MAPK10: variants seen among roughly 807,000 people sequenced by gnomAD.
MAPK10 encodes mitogen-activated protein kinase 10.
In MAPK10, 25 loss-of-function variants were observed where a neutral mutation model predicts 59.3. That is an observed-to-expected ratio of 0.42 (90% CI 0.31 to 0.59). MAPK10 has a LOEUF of 0.59. MAPK10 is among the 20% of genes least tolerant of loss of function. The pLI, the probability that MAPK10 is intolerant of heterozygous loss-of-function variation, is 0.15. For synonymous variants in MAPK10, 190 were observed against 200.5 expected (o/e 0.95, Z 0.44); for missense variants, 351 against 568.9 (o/e 0.62, Z 3.90).
intron 2 of MAPK10, among the ~76,000 whole-genome samples, chr4:86,200,196 T>C (rs1223048733): frequency 6.6e-6 from 1 of 152,144 alleles, no homozygotes; most frequent in East Asian, 1.9e-4. Context: ...TTGATTCAAG[T>C]CTAATTTACA....
intron 4 of MAPK10, among the ~76,000 whole-genome samples, chr4:86,143,825 T>A (rs1219520192): frequency 6.6e-6 from 1 of 152,172 alleles, no homozygotes; most frequent in Non-Finnish European, 1.5e-5. Flanking sequence ...TTTTACAACA[T>A]CTTATTAATA....
chr4:86,438,753 G>A (rs1749073004), intron 1 of MAPK10, among the ~76,000 whole-genome samples: 3 of 151,828 alleles, frequency 2.0e-5, no homozygotes, highest in Non-Finnish European at 4.4e-5. Context: ...GAAATTGAGG[G>A]GGCCAGTAAG....
intron 3 of MAPK10, chr4:86,193,317 G>C (rs755855437): frequency 6.6e-6 from 1 of 152,416 alleles, no homozygotes; most frequent in African/African-American, 2.4e-5. Context: ...GAGCTGGCAG[G>C]CAGGAACATT....
intron 9 of MAPK10, among the ~76,000 whole-genome samples, chr4:86,084,532 G>A (rs564228742): frequency 5.3e-4 from 80 of 151,888 alleles, no homozygotes; most frequent in Non-Finnish European, 9.9e-4. Context: ...TACCTAAGAA[G>A]TAACTTAAGC....
At chr4:86,139,816 G>A (rs1257841466) in intron 4 of MAPK10, among the ~76,000 whole-genome samples, 2 of 149,822 alleles carry the variant, frequency 1.3e-5, no homozygotes, top group Admixed American at 6.6e-5. Flanking sequence ...AATCTACAAT[G>A]AACTCAAACA....
chr4:86,270,516 T>C (rs2094401875), intron 2 of MAPK10, among the ~76,000 whole-genome samples: 1 of 152,076 alleles, frequency 6.6e-6, no homozygotes, highest in Non-Finnish European at 1.5e-5. Flanking sequence ...CATAGTCTAA[T>C]GTAACTAGAA....
chr4:86,480,514 C>A (rs76069906), intron 1 of MAPK10, among the ~76,000 whole-genome samples: 7,754 of 152,150 alleles, frequency 0.051, 257 homozygotes, highest in African/African-American at 0.071. Context: ...CACACGGATG[C>A]GAGTGAAATG....
intron 9 of MAPK10, chr4:86,079,582 C>T (rs2050211421): frequency 6.6e-6 from 1 of 151,990 alleles, no homozygotes; most frequent in Non-Finnish European, 1.5e-5. Flanking sequence ...TGAGAAGAGG[C>T]CTTGGAGATC....
chr4:86,578,655 C>T (rs973902001), intron 1 of MAPK10, among the ~76,000 whole-genome samples: 1 of 151,654 alleles, frequency 6.6e-6, no homozygotes, highest in Non-Finnish European at 1.5e-5. Context: ...AGATAATTTT[C>T]AGCTTAATTA....
chr4:86,256,274 T>G (rs541265539), intron 2 of MAPK10, among the ~76,000 whole-genome samples: 3 of 152,320 alleles, frequency 2.0e-5, no homozygotes, highest in African/African-American at 7.2e-5. Context: ...AGCTTGCTCA[T>G]CCTCTCCAGA....
chr4:86,430,339 C>T (rs17011897), intron 1 of MAPK10, among the ~76,000 whole-genome samples: 1,671 of 152,258 alleles, frequency 0.011, 27 homozygotes, highest in African/African-American at 0.037. Context: ...TTCATTGGCA[C>T]GGTACTAAAG....
intron 2 of MAPK10, among the ~76,000 whole-genome samples, chr4:86,320,960 T>C (rs1269525133): frequency 2.1e-5 from 3 of 140,958 alleles, no homozygotes; most frequent in East Asian, 4.4e-4. Context: ...AAGACAATTA[T>C]GCAGCCAAAA....
intron 1 of MAPK10, among the ~76,000 whole-genome samples, chr4:86,577,778 T>C (rs1021941629): frequency 3.3e-5 from 5 of 152,062 alleles, no homozygotes; most frequent in African/African-American, 7.2e-5. Flanking sequence ...ATTGACAAAA[T>C]TGAAATTGAG....
At chr4:86,168,818 AG>A (rs1447906650) in intron 3 of MAPK10, among the ~76,000 whole-genome samples, 1 of 152,120 alleles carries the variant, frequency 6.6e-6, no homozygotes, top group Non-Finnish European at 1.5e-5. Context: ...ACCCCCCAGT[AG>A]GGGCAGACTG....
chr4:86,593,027 G>A (rs1763192516), intron 1 of MAPK10, among the ~76,000 whole-genome samples: 1 of 152,188 alleles, frequency 6.6e-6, no homozygotes, highest in African/African-American at 2.4e-5. Flanking sequence ...AGCCCTATGA[G>A]TAATCACATT....
At chr4:86,170,069 A>G (rs1002535452) in intron 3 of MAPK10, among the ~76,000 whole-genome samples, 4 of 152,152 alleles carry the variant, frequency 2.6e-5, no homozygotes, top group African/African-American at 9.7e-5. Context: ...AGCGCTAAAC[A>G]TGGAAAGGAA....
In MAPK10 at chr4:86,015,807, C is replaced by T. The variant is rs1239212934; in HGVS notation, c.*1421G>A. ...ATGATCAGCCCTTCGATTGCTCATA[C>T]TTATTAAAATAAATAAATAAACATG... On this transcript the variant is annotated 3_prime_UTR_variant, in exon 14 of 14. Transcript: ENST00000641462. 6.6e-6 allele frequency: 1 copy of T among 152,066 alleles called. No homozygotes were observed. Among genetic ancestry groups the T allele is most frequent in the Non-Finnish European group, 1.5e-5 (1 of 68,020 alleles). 9.4% of individuals were successfully genotyped at this position (152,066 alleles called of 1,614,324 possible). A position where few individuals can be genotyped will look rare whatever the true frequency, so the allele number is the denominator to read the frequency against.
intron 11 of MAPK10, among the ~76,000 whole-genome samples, chr4:86,040,153 C>T (rs2041216624): frequency 6.6e-6 from 1 of 152,036 alleles, no homozygotes; most frequent in Non-Finnish European, 1.5e-5. Flanking sequence ...CAAAAATCTC[C>T]CAGTGGCTGA....
chr4:86,521,537 T>G (rs1354860987), intron 1 of MAPK10, among the ~76,000 whole-genome samples: 1 of 152,064 alleles, frequency 6.6e-6, no homozygotes, highest in African/African-American at 2.4e-5. Flanking sequence ...AGGGGGATTA[T>G]GGCTGCCTCT....
Sources: gnomAD v4.1 joint callset for allele counts (sites outside exome capture counted in the v4.1 genomes callset) on GRCh38, gnomAD v4.1.1 for gene constraint, MANE v1.5 for transcripts, NCBI Gene and HGNC (gene_info 2026-07-23, HGNC 2026-07-21) for gene names.